Variants in REEP2 observed in about 807,000 individuals in gnomAD.
REEP2 encodes the protein receptor accessory protein 2.
In REEP2, 9 loss-of-function variants were observed where a neutral mutation model predicts 32.1. The observed-to-expected ratio is 0.28, with a 90% CI of 0.17 to 0.49. The LOEUF (loss-of-function observed/expected upper bound fraction) is 0.49, where lower values mean the gene tolerates loss of function less well. REEP2 is among the 20% of genes least tolerant of loss of function. REEP2 has a pLI of 0.99. For synonymous variants in REEP2, 128 were observed against 139.1 expected (o/e 0.92, Z 0.56); for missense variants, 236 against 338.0 (o/e 0.70, Z 2.37).
At position 138,445,748 on chromosome 5, in the gene REEP2, T is replaced by C. The variant is rs755186526; in HGVS notation, c.762T>C (p.Ala254=). Residue 254 remains alanine, a synonymous_variant, in exon 8 of 8, where the codon GCT becomes GCC. Transcript: ENST00000378339. ...KKKTSGGGDS[A] ...AGACCTCTGGCGGGGGCGACTCAGC[T>C]TGAGCCCCTCCACCCCCGCAGGCTG... 6 of 1,613,764 alleles carry C rather than the reference T, an allele frequency of 3.7e-6. No homozygotes were observed. The highest frequency in any genetic ancestry group is 4.2e-6 in the Non-Finnish European group (5 of 1,179,898).
intron 3 of REEP2, chr5:138,443,989 AG>A (rs910385242): frequency 6.4e-6 from 1 of 156,414 alleles, no homozygotes; most frequent in Admixed American, 6.4e-5. Flanking sequence ...GTGGGGCAGG[AG>A]GGTCCAGAGC....
intron 5 of REEP2, 142 bp from the exon 6 acceptor site, chr5:138,445,086 C>A: frequency 3.0e-6 from 3 of 1,004,604 alleles, no homozygotes; most frequent in Non-Finnish European, 2.9e-6. Flanking sequence ...CCTGCCCCAG[C>A]CCTCAGCTCT....
intron 6 of REEP2, 44 bp from the exon 7 acceptor site, chr5:138,445,424 C>T (rs778218202): frequency 1.2e-6 from 2 of 1,613,494 alleles, no homozygotes; most frequent in African/African-American, 2.7e-5. Flanking sequence ...GCAAGGAGTC[C>T]AGATGGGAAA....
At chr5:138,444,991 T>A in intron 5 of REEP2, 124 bp downstream of exon 5, 1 of 792,778 alleles carries the variant, frequency 1.3e-6, no homozygotes, top group Non-Finnish European at 2.0e-6. Context: ...AGCTGGAGGC[T>A]CCAGTCCAGG....
chr5:138,445,463 C>T lies in REEP2; in HGVS notation c.566-5C>T, dbSNP rs1165389957. ...TCCCCCACCTCCTTTTCTCCCTGCA[C>T]CCAGGAGATGACCCTGCCCTGAGTC... On this transcript the variant is annotated splice_region_variant and splice_polypyrimidine_tract_variant and intron_variant, in intron 6 of 7. Transcript: ENST00000378339. 8.1e-6 allele frequency: 13 copies of T among 1,614,162 alleles called. No individual in the cohort carries two copies. Among genetic ancestry groups the T allele is most frequent in the Middle Eastern group, 1.7e-4 (1 of 6,060 alleles).
In REEP2 at chr5:138,445,261, T is replaced by C; in HGVS notation, c.451T>C (p.Phe151Leu). 6.2e-7 allele frequency: 1 copy of C among 1,612,826 alleles called. No individual in the cohort carries two copies. The change falls in exon 6 of 8, where the codon TTC becomes CTC. Residue 151 changes from phenylalanine (F) to leucine (L), a missense_variant. By Grantham distance (22) the Phe-to-Leu change is conservative. Transcript: ENST00000378339. Reference protein sequence around the residue: ...QGVLSEKLRSFSMQDLTLIRD... With the variant: ...QGVLSEKLRSLSMQDLTLIRD... ...GGTGCTGTCAGAGAAGCTCCGCAGCTTCAGCATGCAGGACCTGACCCTGAT... is the reference window on the plus strand; with the variant it reads ...GGTGCTGTCAGAGAAGCTCCGCAGCCTCAGCATGCAGGACCTGACCCTGAT...
rs1385596409 is a variant in REEP2 at position 138,446,106 on chromosome 5, G to A, written c.*355G>A. The A allele has an allele frequency of 3.0e-5, 7 of 232,258 alleles. No individual in the cohort carries two copies. The highest frequency in any genetic ancestry group is 9.1e-5 in the African/African-American group (4 of 43,988). The allele number at this position is 232,258 out of a possible 1,614,324, so 14.4% of individuals were successfully genotyped here. A position where few individuals can be genotyped will look rare whatever the true frequency, so the allele number is the denominator to read the frequency against. ...CAATCCGCTTCTCAGAGGTCCTGTC[G>A]TGTTTCCACTGCTCGCCTTGGTTTG... On this transcript the variant is annotated 3_prime_UTR_variant, in exon 8 of 8. Coordinates refer to ENST00000378339, the MANE Select transcript of REEP2 (RefSeq NM_001271803.2).
rs952502808 is a variant in REEP2 at position 138,441,546 on chromosome 5, TG to T, written c.182+90del. On this transcript the variant is annotated intron_variant, in intron 3 of 7. Transcript: ENST00000378339. The surrounding 1 kb of genome is among the most constrained non-coding windows in gnomAD (Gnocchi z 4.4). ...AGCCAGCCAAACAAAAGACTGGGCC[TG>T]GGGGTGAAGCTCCTCCCATTCCTGA... 130 of 1,199,052 alleles carry T rather than the reference TG, an allele frequency of 1.1e-4. No individual in the cohort carries two copies. The highest frequency in any genetic ancestry group is 1.5e-4 in the Non-Finnish European group (123 of 808,130). 74.3% of individuals were successfully genotyped at this position (1,199,052 alleles called of 1,614,324 possible).
intron 3 of REEP2, among the ~76,000 whole-genome samples, chr5:138,443,292 A>C (rs2350640): frequency 0.54 from 81,222 of 151,484 alleles, 22,048 homozygotes; most frequent in East Asian, 0.79. Context: ...GAAACCCCTT[A>C]TCTACTAAAA....
chr5:138,444,800 C>T lies in REEP2; in HGVS notation c.350C>T (p.Thr117Ile), dbSNP rs1763895130. Reference protein sequence around the residue: ...ITQARDKSYETMMRVGKRGLN... With the variant: ...ITQARDKSYEIMMRVGKRGLN... Reference sequence around the variant, plus strand: ...CAGGCCCGAGACAAGAGCTATGAGACCATGATGAGGGTGGGCAAGAGGGGC... The same window carrying T: ...CAGGCCCGAGACAAGAGCTATGAGATCATGATGAGGGTGGGCAAGAGGGGC... The change falls in exon 5 of 8, where the codon ACC becomes ATC. Residue 117 changes from threonine (T) to isoleucine (I), a missense_variant. By Grantham distance (89) the Thr-to-Ile change is moderately conservative (BLOSUM62 -1). Transcript: ENST00000378339. 1 of 1,613,958 alleles carries T rather than the reference C, an allele frequency of 6.2e-7. No individual in the cohort carries two copies. Among genetic ancestry groups the T allele is most frequent in the African/African-American group, 1.3e-5 (1 of 74,924 alleles).
intron 1 of REEP2, among the ~76,000 whole-genome samples, chr5:138,440,604 C>T (rs561826507): frequency 3.3e-5 from 5 of 152,122 alleles, no homozygotes; most frequent in African/African-American, 1.2e-4. Flanking sequence ...CAGGTTCCCT[C>T]GCAGAGCCTG....
In REEP2 at chr5:138,445,323, C is replaced by T. The variant is rs1340213591; in HGVS notation, c.513C>T (p.Asp171=). 9.3e-6 allele frequency: 15 copies of T among 1,613,526 alleles called. No homozygotes were observed. Among genetic ancestry groups the T allele is most frequent in the East Asian group, 2.2e-5 (1 of 44,874 alleles). Residue 171 remains aspartate (D), a synonymous_variant, in exon 6 of 8, where the codon GAC becomes GAT. Transcript: ENST00000378339. ...ACGCACTGCCCCTGCAGAGGCCTGA[C>T]GGCCGCCTCCGACCCAGCCCTGGCA... ...DEDALPLQRP[D]GRLRPSPGSL...
At chr5:138,440,223 C>T (rs562348228) in intron 1 of REEP2, among the ~76,000 whole-genome samples, 182 of 152,330 alleles carry the variant, frequency 1.2e-3, no homozygotes, top group Non-Finnish European at 2.2e-3. Context: ...TCTTCCCATT[C>T]GGTACAGCCG....
At chr5:138,444,168 G>A (rs532392166) in intron 3 of REEP2, among the ~76,000 whole-genome samples, 2 of 152,166 alleles carry the variant, frequency 1.3e-5, no homozygotes, top group African/African-American at 4.8e-5. Context: ...GGGAGAGGAT[G>A]AGGCCAGGAG....
At position 138,445,666 on chromosome 5, in the gene REEP2, C is replaced by T. The variant is rs1254148312; in HGVS notation, c.697-17C>T. On this transcript the variant is annotated splice_polypyrimidine_tract_variant and intron_variant, in intron 7 of 7. Coordinates refer to ENST00000378339, the MANE Select transcript of REEP2 (RefSeq NM_001271803.2). ...GCGGCTCCAGGCTGAGCCCCATCTT[C>T]CTCCTTCTTTCCACAGCCACTGGCT... 2 of 1,614,046 alleles carry T rather than the reference C, an allele frequency of 1.2e-6. No homozygotes were observed. Among genetic ancestry groups the T allele is most frequent in the African/African-American group, 2.7e-5 (2 of 74,934 alleles).
In REEP2 at chr5:138,445,385, G is replaced by A; in HGVS notation, c.565+10G>A. ...ACCATCGAGGACTTAGGTACAGGCA[G>A]GGCCCGGGGTTGGGGTGGGGCCCCA... On this transcript the variant is annotated intron_variant, in intron 6 of 7. Transcript: ENST00000378339. 1 of 1,612,094 alleles carries A rather than the reference G, an allele frequency of 6.2e-7. No individual in the cohort carries two copies. Among genetic ancestry groups the A allele is most frequent in the Non-Finnish European group, 8.5e-7 (1 of 1,178,984 alleles).
Position 138,439,138 on chromosome 5 carries a change from G to T in REEP2, c.-71G>T. 9.6e-7 allele frequency: 1 copy of T among 1,045,198 alleles called. No individual in the cohort carries two copies. Among genetic ancestry groups the T allele is most frequent in the Non-Finnish European group, 1.2e-6 (1 of 828,904 alleles). The allele number at this position is 1,045,198 out of a possible 1,614,324, so 64.7% of individuals were successfully genotyped here. ...TGCGGCTCCTGCTGCCGCCGCCGCC[G>T]CCGCTCGGCCTCAGGCAGCTGCATC... On this transcript the variant is annotated 5_prime_UTR_variant, in exon 1 of 8. Transcript: ENST00000378339.
Position 138,445,514 on chromosome 5 carries a change from T to C in REEP2, c.612T>C (p.Asp204=), listed in dbSNP as rs1763911937. Residue 204 remains aspartate, a synonymous_variant, in exon 7 of 8, where the codon GAT becomes GAC. Coordinates refer to ENST00000378339, the MANE Select transcript of REEP2 (RefSeq NM_001271803.2). ...TAAGGTCCAGCACAAACCCGGCAGA[T>C]TCCCGGACAGAGGCTTCTGAGGATG... The part of the protein sequence containing the change: ...LSLRSSTNPA[D]SRTEASEDDM... The C allele has an allele frequency of 6.2e-7, 1 of 1,614,042 alleles. No homozygotes were observed. Among genetic ancestry groups the C allele is most frequent in the Non-Finnish European group, 8.5e-7 (1 of 1,180,022 alleles).
intron 1 of REEP2, 59 bp from the exon 2 acceptor site, chr5:138,440,957 G>A: frequency 6.2e-7 from 1 of 1,605,624 alleles, no homozygotes; most frequent in Non-Finnish European, 8.5e-7. Context: ...ATGCGGAGCT[G>A]GGAGGGAGAG....
Sources: allele counts gnomAD v4.1 joint callset (sites outside exome capture counted in the v4.1 genomes callset), GRCh38; gene constraint gnomAD v4.1.1; non-coding constraint Gnocchi (gnomAD v3.1); transcripts MANE v1.5; gene names NCBI Gene and HGNC (gene_info 2026-07-23, HGNC 2026-07-21).